Variants in FYB1 observed in about 807,000 individuals in gnomAD.
FYB1 encodes the protein FYN binding protein 1.
Under a neutral mutation model 94.1 loss-of-function variants are expected in FYB1, and 41 were observed. That is an observed-to-expected ratio of 0.44 (90% confidence interval 0.34 to 0.57). The LOEUF (loss-of-function observed/expected upper bound fraction) is 0.57. FYB1 is among the 20% of genes least tolerant of loss of function. FYB1 has a pLI of 0.02. For missense variants in FYB1, 1,050 were observed against 976.8 expected, an observed-to-expected ratio of 1.07 and a Z score of -1.00; for synonymous variants, 367 against 353.2, an observed-to-expected ratio of 1.04 and a Z score of -0.44.
At chr5:39,168,241 T>C (rs569131081) in intron 2 of FYB1, among the ~76,000 whole-genome samples, 10 of 152,366 alleles carry the variant, frequency 6.6e-5, no homozygotes, top group Non-Finnish European at 1.3e-4. Context: ...AGCATTGCTA[T>C]ATTATCATGT....
At chr5:39,139,016 T>A in intron 5 of FYB1, 1 of 574,714 alleles carries the variant, frequency 1.7e-6, no homozygotes, top group Non-Finnish European at 3.0e-6. Flanking sequence ...GTAGTCAGAC[T>A]TAAGTTTGTT....
intron 1 of FYB1, among the ~76,000 whole-genome samples, chr5:39,271,281 T>G (rs909570731): frequency 6.6e-6 from 1 of 152,332 alleles, no homozygotes; most frequent in Middle Eastern, 3.4e-3. Flanking sequence ...GTATTAATTT[T>G]GGGGTAATAT....
rs1740193683 is a variant in FYB1 at position 39,122,320 on chromosome 5, A to G, written c.2138+16T>C. The stretch of plus-strand genomic sequence containing the variant: ...TCATTTTCATTACTTCATTGTAATG[A>G]AAGCATTTTAATTACCTCATCTCTG... On this transcript the variant is annotated intron_variant, in intron 14 of 18. Transcript: ENST00000512982. 6.0e-6 allele frequency: 9 copies of G among 1,502,842 alleles called. No individual in the cohort carries two copies. In the African/African-American group the frequency reaches 9.6e-5, roughly 16 times the overall value. The allele number at this position is 1,502,842 out of a possible 1,614,324, so 93.1% of individuals were successfully genotyped here.
At chr5:39,267,026 C>T (rs1047067047) in intron 1 of FYB1, among the ~76,000 whole-genome samples, 9 of 152,114 alleles carry the variant, frequency 5.9e-5, no homozygotes, top group African/African-American at 2.2e-4. Flanking sequence ...AAATTCCAGG[C>T]CCAATATTCA....
chr5:39,107,417 C>A lies in FYB1; in HGVS notation c.*26G>T. On this transcript the variant is annotated 3_prime_UTR_variant, in exon 19 of 19. Transcript: ENST00000512982. ...AGACTTCACATTGGCACCTAATGAACACAGCAGAATGACCAAAGTTGAGTG... is the reference window on the plus strand; with the variant it reads ...AGACTTCACATTGGCACCTAATGAAAACAGCAGAATGACCAAAGTTGAGTG... The A allele has an allele frequency of 6.6e-7, 1 of 1,511,422 alleles. No homozygotes were observed. The highest frequency in any genetic ancestry group is 8.9e-7 in the Non-Finnish European group (1 of 1,123,790). 93.6% of individuals were successfully genotyped at this position (1,511,422 alleles called of 1,614,324 possible). A position where few individuals can be genotyped will look rare whatever the true frequency, so the allele number is the denominator to read the frequency against.
intron 3 of FYB1, among the ~76,000 whole-genome samples, chr5:39,142,582 C>T (rs1283452103): frequency 6.6e-6 from 1 of 152,198 alleles, no homozygotes; most frequent in African/African-American, 2.4e-5. Flanking sequence ...TTTTCTCCCT[C>T]AGCCCAAGTT....
chr5:39,273,110 C>T (rs1397427132), intron 1 of FYB1, among the ~76,000 whole-genome samples: 2 of 152,202 alleles, frequency 1.3e-5, no homozygotes, highest in Non-Finnish European at 2.9e-5. Flanking sequence ...TGAGGAGCCC[C>T]TCTGCCCGGC....
chr5:39,199,762 C>T (rs1469453402), intron 2 of FYB1, among the ~76,000 whole-genome samples: 1 of 152,024 alleles, frequency 6.6e-6, no homozygotes. Flanking sequence ...TGGAAAGACC[C>T]AGAAAGTGGC....
intron 14 of FYB1, 120 bp downstream of exon 14, chr5:39,122,216 G>A (rs543023326): frequency 1.5e-6 from 1 of 666,852 alleles, no homozygotes; most frequent in Admixed American, 2.4e-5. Flanking sequence ...TTAGAGAGGA[G>A]TCCAGAGCCA....
chr5:39,123,845 C>T (rs1219989736), intron 13 of FYB1, among the ~76,000 whole-genome samples: 1 of 152,066 alleles, frequency 6.6e-6, no homozygotes, highest in Non-Finnish European at 1.5e-5. Context: ...ACAATATAAA[C>T]TATCCATTTA....
intron 13 of FYB1, among the ~76,000 whole-genome samples, chr5:39,122,799 G>T (rs1423961880): frequency 6.6e-6 from 1 of 152,030 alleles, no homozygotes; most frequent in Non-Finnish European, 1.5e-5. Flanking sequence ...GGGATTTAGG[G>T]TGCTGTGATA....
chr5:39,225,177 G>C (rs1224125467), intron 1 of FYB1, among the ~76,000 whole-genome samples: 1 of 152,058 alleles, frequency 6.6e-6, no homozygotes, highest in East Asian at 1.9e-4. Context: ...ATATATTTGA[G>C]TAAGCACTGC....
chr5:39,139,671 T>TAATA (rs1443234240), intron 4 of FYB1: 3 of 152,756 alleles, frequency 2.0e-5, no homozygotes, highest in African/African-American at 7.2e-5. Context: ...TAAAAAAATT[T>TAATA]AATAAGAGTT....
Position 39,202,188 on chromosome 5 carries a change from G to A in FYB1, c.773C>T (p.Pro258Leu). 6.2e-7 allele frequency: 1 copy of A among 1,613,976 alleles called. No individual in the cohort carries two copies. The highest frequency in any genetic ancestry group is 8.5e-7 in the Non-Finnish European group (1 of 1,179,888). ...AGGTTTCAAAACCACTCCAGGAAAG[G>A]GCAAACTTGAAATCTCCCCTGCATG... Reference protein sequence around the residue: ...KDHAGEISSLPFPGVVLKPAA... With the variant: ...KDHAGEISSLLFPGVVLKPAA... Residue 258 changes from proline to leucine, a missense_variant, in exon 2 of 19, where the codon CCC becomes CTC. Transcript: ENST00000512982.
At chr5:39,108,806 A>G (rs1738782031) in intron 17 of FYB1, among the ~76,000 whole-genome samples, 1 of 152,108 alleles carries the variant, frequency 6.6e-6, no homozygotes, top group Admixed American at 6.6e-5. Context: ...ATGTAATTTT[A>G]AAACTATTAC....
chr5:39,247,145 T>G (rs983518661), intron 1 of FYB1, among the ~76,000 whole-genome samples: 1 of 145,204 alleles, frequency 6.9e-6, no homozygotes, highest in Admixed American at 6.9e-5. Flanking sequence ...AATGAATAGC[T>G]TTTCTTTCTC....
intron 2 of FYB1, among the ~76,000 whole-genome samples, chr5:39,179,351 G>A (rs946588342): frequency 2.6e-5 from 4 of 152,054 alleles, no homozygotes; most frequent in Non-Finnish European, 4.4e-5. Context: ...CTGGGTTCCA[G>A]TGTGGGAACA....
At chr5:39,246,925 T>C (rs1181440647) in intron 1 of FYB1, among the ~76,000 whole-genome samples, 1 of 151,862 alleles carries the variant, frequency 6.6e-6, no homozygotes, top group Non-Finnish European at 1.5e-5. Flanking sequence ...CTGCCCTTAC[T>C]GTGAGACCTC....
chr5:39,208,667 G>T (rs1380834318), intron 1 of FYB1, among the ~76,000 whole-genome samples: 2 of 152,168 alleles, frequency 1.3e-5, no homozygotes, highest in African/African-American at 4.8e-5. Flanking sequence ...CAGAAAGCCA[G>T]CCCTCGTCCT....
Sources: gnomAD v4.1 joint callset for allele counts (sites outside exome capture counted in the v4.1 genomes callset) on GRCh38, gnomAD v4.1.1 for gene constraint, MANE v1.5 for transcripts, NCBI Gene and HGNC (gene_info 2026-07-23, HGNC 2026-07-21) for gene names.